Variants in TNRC6B observed in about 807,000 individuals in gnomAD.
TNRC6B encodes the protein trinucleotide repeat-containing gene 6B protein.
TNRC6B carries 52 observed loss-of-function variants against 203.6 expected under a neutral mutation model. The observed-to-expected ratio is 0.26, with a 90% CI of 0.20 to 0.32. The LOEUF (loss-of-function observed/expected upper bound fraction) is 0.32, where lower values mean the gene tolerates loss of function less well. Among genes scored for constraint, TNRC6B ranks in the 10% least tolerant of loss-of-function variants. The probability of loss-of-function intolerance (pLI) is 1.00; values close to 1 mark genes in which losing one functional copy is unlikely to be tolerated. For missense variants in TNRC6B, 1,923 were observed against 2,286.2 expected, an observed-to-expected ratio of 0.84 and a Z score of 3.24; for synonymous variants, 838 against 845.7, an observed-to-expected ratio of 0.99 and a Z score of 0.16.
At chr22:40,215,744 T>G (rs2069626411) in intron 1 of TNRC6B, among the ~76,000 whole-genome samples, 1 of 152,196 alleles carries the variant, frequency 6.6e-6, no homozygotes, top group Non-Finnish European at 1.5e-5. Flanking sequence ...TTATGTCTAG[T>G]TAACAATTTT....
At chr22:40,171,063 T>G in intron 4 of TNRC6B, among the ~76,000 whole-genome samples, 1 of 149,578 alleles carries the variant, frequency 6.7e-6, no homozygotes, top group East Asian at 2.0e-4. Flanking sequence ...CACATACATG[T>G]ATCTATATAT....
intron 3 of TNRC6B, among the ~76,000 whole-genome samples, chr22:40,139,811 T>G (rs1392767692): frequency 6.6e-6 from 1 of 152,234 alleles, no homozygotes; most frequent in Non-Finnish European, 1.5e-5. Context: ...GGAGTGGAAC[T>G]GCTGGGTCAT....
chr22:40,145,618 C>T lies in TNRC6B; in HGVS notation c.46-10497C>T, dbSNP rs142572964. 4.6e-3 allele frequency among the ~76,000 whole-genome samples: 697 copies of T among 152,118 alleles called. 6 individuals are homozygous for T. The highest frequency in any genetic ancestry group is 0.015 in the African/African-American group (639 of 41,516). The stretch of plus-strand genomic sequence containing the variant: ...CAGCACTTTGGGAGGCTAAGGCAGG[C>T]GGATCACAAGGTCAAGAGATTGAGA... On this transcript the variant is annotated intron_variant, in intron 3 of 23. Transcript: ENST00000301923.
At chr22:40,146,998 A>C (rs1460443658) in intron 3 of TNRC6B, among the ~76,000 whole-genome samples, 1 of 141,622 alleles carries the variant, frequency 7.1e-6, no homozygotes, top group Non-Finnish European at 1.5e-5. Flanking sequence ...TACTGTATTA[A>C]ATATTACTTA....
intron 3 of TNRC6B, among the ~76,000 whole-genome samples, chr22:40,257,366 T>C (rs748936470): frequency 6.6e-6 from 1 of 151,818 alleles, no homozygotes; most frequent in Non-Finnish European, 1.5e-5. Context: ...ATAAGAAAAA[T>C]GGGATGAGGA....
chr22:40,080,270 G>C (rs953465275), intron 1 of TNRC6B, among the ~76,000 whole-genome samples: 2 of 151,056 alleles, frequency 1.3e-5, no homozygotes, highest in Admixed American at 6.6e-5. Context: ...TGGATAACCA[G>C]TTGTCCCTAG....
intron 3 of TNRC6B, among the ~76,000 whole-genome samples, chr22:40,151,057 G>GA (rs1164895049): frequency 6.6e-6 from 1 of 152,176 alleles, no homozygotes; most frequent in Non-Finnish European, 1.5e-5. Flanking sequence ...GAAAGATGGT[G>GA]ACCAAAGACA....
At chr22:40,233,819 C>T (rs2069912034) in intron 1 of TNRC6B, among the ~76,000 whole-genome samples, 1 of 152,196 alleles carries the variant, frequency 6.6e-6, no homozygotes, top group African/African-American at 2.4e-5. Context: ...TCTCTGAAGT[C>T]TGCATTCACC....
intron 4 of TNRC6B, among the ~76,000 whole-genome samples, chr22:40,156,681 T>C (rs1477572564): frequency 1.3e-5 from 2 of 151,858 alleles, no homozygotes; most frequent in African/African-American, 2.4e-5. Context: ...TTATAAATAA[T>C]ATAACTTAGC....
Position 40,333,951 on chromosome 22 carries a change from G to A in TNRC6B, c.*10710G>A, listed in dbSNP as rs573860587. On this transcript the variant is annotated 3_prime_UTR_variant, in exon 23 of 23. Transcript: ENST00000454349. Reference sequence around the variant, plus strand: ...ACTAGTCAAGAAGCCCTTTTCAGTTGGATCTCACTGATCTTGTATAGTGAC... The same window carrying A: ...ACTAGTCAAGAAGCCCTTTTCAGTTAGATCTCACTGATCTTGTATAGTGAC... The A allele has an allele frequency of 9.4e-4, 144 of 152,636 alleles. No homozygotes were observed. Among genetic ancestry groups the A allele is most frequent in the African/African-American group, 3.3e-3 (138 of 41,498 alleles). 9.5% of individuals were successfully genotyped at this position (152,636 alleles called of 1,614,324 possible). A position where few individuals can be genotyped will look rare whatever the true frequency, so the allele number is the denominator to read the frequency against.
chr22:40,135,361 G>C (rs2068591033), intron 3 of TNRC6B, among the ~76,000 whole-genome samples: 1 of 152,232 alleles, frequency 6.6e-6, no homozygotes, highest in Non-Finnish European at 1.5e-5. Context: ...CGACTAGAGT[G>C]TTGGGTGCCA....
chr22:40,278,544 G>A (rs1177097266), intron 9 of TNRC6B, among the ~76,000 whole-genome samples: 12 of 146,684 alleles, frequency 8.2e-5, no homozygotes, highest in South Asian at 2.2e-4. Flanking sequence ...GCAACATAGC[G>A]AGACTCAGTC....
chr22:40,218,196 A>T (rs1247775020), intron 1 of TNRC6B, among the ~76,000 whole-genome samples: 1 of 151,918 alleles, frequency 6.6e-6, no homozygotes, highest in Non-Finnish European at 1.5e-5. Flanking sequence ...GATTTTTAAA[A>T]TTTTTTTATA....
rs368397088 is a variant in TNRC6B, at chr22:40,103,977, G to T, written c.-120-13078G>T. 1.2e-4 allele frequency among the ~76,000 whole-genome samples: 18 copies of T among 150,602 alleles called. 2 individuals carry two copies. Among genetic ancestry groups the T allele is most frequent in the Admixed American group, 9.9e-4 (15 of 15,160 alleles). ...TTTTAAAAGAAAAAAAGAAGGCTGG[G>T]CCCGGTGGCTCATGCCTGTATTCCC... is the stretch of plus-strand genomic sequence containing the variant. On this transcript the variant is annotated intron_variant, in intron 1 of 23. Coordinates refer to the TNRC6B transcript ENST00000301923.
intron 1 of TNRC6B, among the ~76,000 whole-genome samples, chr22:40,116,875 GTGT>G (rs780026844): frequency 6.6e-6 from 1 of 152,164 alleles, no homozygotes; most frequent in Admixed American, 6.6e-5. Flanking sequence ...TATGAAGAAG[GTGT>G]TGTTATTGTT....
intron 4 of TNRC6B, among the ~76,000 whole-genome samples, chr22:40,158,378 ATAAAT>A (rs1345396553): frequency 1.5e-4 from 23 of 151,322 alleles, no homozygotes; most frequent in African/African-American, 5.3e-4. Context: ...AAATAAATAA[ATAAAT>A]AAATAAAGAG....
chr22:40,239,076 G>A (rs1052187288), intron 1 of TNRC6B, among the ~76,000 whole-genome samples: 2 of 152,120 alleles, frequency 1.3e-5, no homozygotes, highest in Non-Finnish European at 2.9e-5. Flanking sequence ...GGTGGCAGGC[G>A]CCTGTAATCT....
At chr22:40,220,983 A>G (rs925773428) in intron 1 of TNRC6B, among the ~76,000 whole-genome samples, 2 of 152,150 alleles carry the variant, frequency 1.3e-5, no homozygotes, top group African/African-American at 2.4e-5. Context: ...CCCGCCTCAC[A>G]TGCCTTTAGC....
intron 18 of TNRC6B, 105 bp from the exon 19 acceptor site, chr22:40,312,797 T>C: frequency 1.4e-6 from 2 of 1,474,556 alleles, no homozygotes; most frequent in South Asian, 1.2e-5. Flanking sequence ...GTTAGACATA[T>C]TTTGTCCTCC....
Sources: gnomAD v4.1 joint callset for allele counts (sites outside exome capture counted in the v4.1 genomes callset) on GRCh38, gnomAD v4.1.1 for gene constraint, MANE v1.5 for transcripts, NCBI Gene and HGNC (gene_info 2026-07-23, HGNC 2026-07-21) for gene names.